The following IQCE variants were observed in gnomAD, a reference collection of about 807,000 sequenced individuals.
The protein encoded by IQCE is IQ motif containing E.
IQCE carries 115 observed loss-of-function variants against 96.0 expected under a neutral mutation model. The ratio of observed to expected loss-of-function variants is 1.20; its 90% CI spans 1.03 to 1.40. The LOEUF is 1.40. Ranked by LOEUF, IQCE falls within the 40% of genes most tolerant of loss-of-function variation. IQCE has a pLI of 0.00. For missense variants in IQCE, 1,041 were observed against 909.1 expected, an observed-to-expected ratio of 1.15 and a Z score of -1.87; for synonymous variants, 412 against 371.2, an observed-to-expected ratio of 1.11 and a Z score of -1.26.
intron 12 of IQCE, among the ~76,000 whole-genome samples, chr7:2,587,074 C>G (rs780033013): frequency 1.3e-5 from 2 of 152,176 alleles, no homozygotes; most frequent in East Asian, 1.9e-4. Context: ...TGTTCAGGGT[C>G]TGGTTGCATC....
chr7:2,560,020 T>C (rs1430314851), intron 1 of IQCE, among the ~76,000 whole-genome samples: 1 of 151,902 alleles, frequency 6.6e-6, no homozygotes, highest in Admixed American at 6.6e-5. Context: ...TTAGCCGAGC[T>C]GTGGTGGTGC....
At chr7:2,585,297 C>T (rs541440142) in intron 11 of IQCE, among the ~76,000 whole-genome samples, 40 of 152,184 alleles carry the variant, frequency 2.6e-4, no homozygotes, top group Non-Finnish European at 5.6e-4. Flanking sequence ...CTCAGCCTCC[C>T]AAAGTTCTAG....
At chr7:2,602,429 C>T (rs973176567) in intron 18 of IQCE, among the ~76,000 whole-genome samples, 2 of 152,152 alleles carry the variant, frequency 1.3e-5, no homozygotes, top group African/African-American at 4.8e-5. Context: ...CTCTAGGGCC[C>T]CTTCAGGGAC....
chr7:2,598,438 T>C, intron 16 of IQCE, 27 bp from the exon 17 acceptor site: 1 of 1,540,468 alleles, frequency 6.5e-7, no homozygotes, highest in Non-Finnish European at 8.8e-7. Context: ...GGCTTCATTG[T>C]CCTCTTACTC....
intron 8 of IQCE, among the ~76,000 whole-genome samples, chr7:2,580,872 G>C (rs944067647): frequency 6.6e-6 from 1 of 152,192 alleles, no homozygotes; most frequent in African/African-American, 2.4e-5. Flanking sequence ...GATTTGGTTG[G>C]CCGAAGAGGG....
intron 17 of IQCE, 108 bp from the exon 18 acceptor site, chr7:2,601,333 G>A (rs558975487): frequency 1.3e-6 from 1 of 758,546 alleles, no homozygotes; most frequent in Non-Finnish European, 2.3e-6. Flanking sequence ...GGGCAGCCAG[G>A]CCTCTTGTTG....
chr7:2,591,616 ATTT>A (rs766125885), intron 14 of IQCE, among the ~76,000 whole-genome samples: 1 of 118,664 alleles, frequency 8.4e-6, no homozygotes. Context: ...TCTGCGGGTG[ATTT>A]TTTTTTTTTT....
intron 16 of IQCE, 137 bp downstream of exon 16, chr7:2,595,113 T>C: frequency 1.5e-6 from 1 of 673,306 alleles, no homozygotes; most frequent in South Asian, 1.7e-5. Context: ...CACCATTGAT[T>C]TCTATAACTC....
At chr7:2,568,890 AG>A in intron 2 of IQCE, 63 bp from the exon 3 acceptor site, 3 of 1,427,062 alleles carry the variant, frequency 2.1e-6, no homozygotes, top group Non-Finnish European at 2.9e-6. Flanking sequence ...TGAACATGGT[AG>A]GGTCTTGTGA....
At chr7:2,559,398 C>T (rs897425910) in intron 1 of IQCE, 181 bp downstream of exon 1, 3 of 319,610 alleles carry the variant, frequency 9.4e-6, no homozygotes, top group African/African-American at 2.2e-5. Context: ...CCCCGCGCCG[C>T]CTGCAGCCTC....
chr7:2,570,157 G>A (rs970268538), intron 3 of IQCE, among the ~76,000 whole-genome samples: 1 of 152,068 alleles, frequency 6.6e-6, no homozygotes, highest in African/African-American at 2.4e-5. Context: ...GCTTTTCATC[G>A]TCCTGGTCAC....
rs537755206 is a variant in IQCE, at chr7:2,595,687, G to T, written c.1440+711G>T. 4.2e-4 allele frequency among the ~76,000 whole-genome samples: 64 copies of T among 152,206 alleles called. No homozygotes were observed. The South Asian group carries it at 0.013, about 31-fold the overall frequency. On this transcript the variant is annotated intron_variant, in intron 16 of 21. Transcript: ENST00000402050. Reference sequence around the variant, plus strand: ...CGGTGCTGCACTTGCCTCCCTGGAGGGTCGCAGCCATGCTCTGCTCACCAT... The same window carrying T: ...CGGTGCTGCACTTGCCTCCCTGGAGTGTCGCAGCCATGCTCTGCTCACCAT...
chr7:2,575,698 C>T (rs1298425068), intron 6 of IQCE, among the ~76,000 whole-genome samples: 1 of 152,196 alleles, frequency 6.6e-6, no homozygotes, highest in Non-Finnish European at 1.5e-5. Flanking sequence ...TGCTCCTCTC[C>T]CTGACCTCTG....
At position 2,559,136 on chromosome 7, in the gene IQCE, C is replaced by T. The variant is rs1780722208; in HGVS notation, c.-46C>T. On this transcript the variant is annotated 5_prime_UTR_variant, in exon 1 of 22. It adds an upstream start codon to the 5' untranslated region. Coordinates refer to ENST00000402050, the MANE Select transcript of IQCE (RefSeq NM_152558.5). ...CTGCCCGCGGATTCCCAGACCCGGA[C>T]GCCCGAGCCAGCAACCCTGAGGGGC... The T allele has an allele frequency of 6.7e-6, 8 of 1,194,474 alleles. No homozygotes were observed. The highest frequency in any genetic ancestry group is 8.3e-6 in the Non-Finnish European group (8 of 959,154). The allele number at this position is 1,194,474 out of a possible 1,614,324, so 74.0% of individuals were successfully genotyped here.
At chr7:2,584,169 T>A in intron 10 of IQCE, 67 bp from the exon 11 acceptor site, 1 of 1,398,902 alleles carries the variant, frequency 7.1e-7, no homozygotes, top group African/African-American at 1.4e-5. Context: ...GTGATGTTGG[T>A]CTTTTCAGAT....
intron 4 of IQCE, 134 bp downstream of exon 4, chr7:2,571,788 A>T: frequency 9.9e-7 from 1 of 1,006,528 alleles, no homozygotes; most frequent in Non-Finnish European, 1.4e-6. Context: ...GAAGACATCA[A>T]ATATACACAT....
chr7:2,591,194 C>T (rs929766978), intron 14 of IQCE, among the ~76,000 whole-genome samples: 17 of 151,594 alleles, frequency 1.1e-4, no homozygotes, highest in African/African-American at 2.7e-4. Context: ...TCGAGGCTGC[C>T]GTGAGCTATA....
Position 2,586,298 on chromosome 7 carries a change from G to C in IQCE, c.915G>C (p.Thr305=). 1 of 1,614,020 alleles carries C rather than the reference G, an allele frequency of 6.2e-7. No homozygotes were observed. Among genetic ancestry groups the C allele is most frequent in the Non-Finnish European group, 8.5e-7 (1 of 1,179,952 alleles). The change falls in exon 12 of 22, where the codon ACG becomes ACC. Residue 305 remains threonine, a synonymous_variant. Coordinates refer to ENST00000402050, the MANE Select transcript of IQCE (RefSeq NM_152558.5). ...LSLSRSVQEL[T]EENQSLKEDL... ...TGTCCCGGAGTGTCCAGGAGCTCAC[G>C]GAAGAGAACCAGAGCCTGAAGGAGG...
At chr7:2,579,973 A>C in intron 8 of IQCE, 1 of 151,820 alleles carries the variant, frequency 6.6e-6, no homozygotes, top group East Asian at 1.9e-4. Context: ...GGCTCATGTG[A>C]TCCTTCTGCC....
Sources: gnomAD v4.1 joint callset for allele counts (sites outside exome capture counted in the v4.1 genomes callset) on GRCh38, gnomAD v4.1.1 for gene constraint, MANE v1.5 for transcripts, NCBI Gene and HGNC (gene_info 2026-07-23, HGNC 2026-07-21) for gene names.